The following CFAP20DC variants were observed in gnomAD, a reference collection of about 807,000 sequenced individuals.
CFAP20DC encodes protein CFAP20DC.
CFAP20DC carries 84 observed loss-of-function variants against 101.7 expected under a neutral mutation model. The observed-to-expected ratio is 0.83, with a 90% CI of 0.69 to 0.99. The LOEUF (loss-of-function observed/expected upper bound fraction) is 0.99. CFAP20DC is among the 50% of genes least tolerant of loss of function. CFAP20DC has a pLI of 0.00. For missense variants in CFAP20DC, 1,007 were observed against 970.3 expected (o/e 1.04, Z -0.50); for synonymous variants, 359 against 351.2 (o/e 1.02, Z -0.25).
At chr3:58,992,224 C>T (rs748097763) in intron 4 of CFAP20DC, among the ~76,000 whole-genome samples, 2 of 152,158 alleles carry the variant, frequency 1.3e-5, no homozygotes, top group Admixed American at 6.5e-5. Flanking sequence ...TTACCCAGTG[C>T]GATTCTAAGA....
chr3:59,006,742 GA>G lies in CFAP20DC; in HGVS notation c.278+32814del, dbSNP rs1212851604. Among the ~76,000 whole-genome samples the G allele has an allele frequency of 6.6e-5, 10 of 152,178 alleles. No homozygotes were observed. Among genetic ancestry groups the G allele is most frequent in the Non-Finnish European group, 8.8e-5 (6 of 68,040 alleles). ...GGGGAAGACAGCCAGCAGAATTAGG[GA>G]GGGGTCACAAGATGAATGAAGCTTC... On this transcript the variant is annotated intron_variant, in intron 4 of 16. Coordinates refer to ENST00000482387, the MANE Select transcript of CFAP20DC (RefSeq NM_001394063.1). This position sits in a 1 kb window ranked among gnomAD's most constrained non-coding sequence, Gnocchi z 4.3.
chr3:59,033,669 C>T (rs963314221), intron 4 of CFAP20DC, among the ~76,000 whole-genome samples: 5 of 151,930 alleles, frequency 3.3e-5, no homozygotes, highest in East Asian at 3.8e-4. Context: ...TGAAAATGAA[C>T]GAAAAGAGCC....
intron 13 of CFAP20DC, among the ~76,000 whole-genome samples, chr3:58,835,751 A>G (rs759400507): frequency 1.5e-4 from 23 of 152,194 alleles, no homozygotes; most frequent in Non-Finnish European, 1.9e-4. Context: ...TTTGATTTGC[A>G]ATCTCCCAAA....
At chr3:58,872,885 T>TA (rs1361402869) in intron 7 of CFAP20DC, among the ~76,000 whole-genome samples, 2 of 151,132 alleles carry the variant, frequency 1.3e-5, no homozygotes, top group African/African-American at 4.9e-5. Context: ...CTGGATGCTG[T>TA]AAGGCAGCTG....
intron 3 of CFAP20DC, among the ~76,000 whole-genome samples, chr3:59,044,442 A>C (rs1463678674): frequency 1.3e-5 from 2 of 152,170 alleles, no homozygotes; most frequent in Admixed American, 1.3e-4. Flanking sequence ...TGATATAGAA[A>C]AGCCAGATTA....
At chr3:58,932,749 G>C (rs1242275533) in intron 5 of CFAP20DC, among the ~76,000 whole-genome samples, 3 of 152,182 alleles carry the variant, frequency 2.0e-5, no homozygotes, top group African/African-American at 7.2e-5. Flanking sequence ...CACCAAGCTT[G>C]CCCTAAAAGA....
At chr3:58,981,655 T>A (rs970441419) in intron 4 of CFAP20DC, among the ~76,000 whole-genome samples, 1 of 152,322 alleles carries the variant, frequency 6.6e-6, no homozygotes, top group East Asian at 1.9e-4. Context: ...GCTAGCCATA[T>A]GTAGAAAGCT....
At chr3:58,974,482 AT>A (rs1439816805) in intron 4 of CFAP20DC, among the ~76,000 whole-genome samples, 2 of 152,052 alleles carry the variant, frequency 1.3e-5, no homozygotes, top group Non-Finnish European at 2.9e-5. Context: ...TATATATGTT[AT>A]ATGTACCACA....
intron 4 of CFAP20DC, among the ~76,000 whole-genome samples, chr3:59,032,502 G>T (rs963913462): frequency 6.6e-6 from 1 of 152,124 alleles, no homozygotes; most frequent in Non-Finnish European, 1.5e-5. Context: ...GAACACTCGA[G>T]CTTGGTGGGG....
intron 14 of CFAP20DC, among the ~76,000 whole-genome samples, chr3:58,822,514 C>CAT (rs796850437): frequency 6.9e-6 from 1 of 145,616 alleles, no homozygotes; most frequent in African/African-American, 2.6e-5. Context: ...GTGTAGTGCA[C>CAT]CAGCATGGCA....
At chr3:58,773,817 A>G (rs1232989223) in intron 15 of CFAP20DC, among the ~76,000 whole-genome samples, 2 of 152,216 alleles carry the variant, frequency 1.3e-5, no homozygotes, top group African/African-American at 4.8e-5. Context: ...AGTTCTGTCT[A>G]TTCAATGATA....
At chr3:58,851,938 T>G (rs1406732097) in intron 12 of CFAP20DC, among the ~76,000 whole-genome samples, 1 of 152,172 alleles carries the variant, frequency 6.6e-6, no homozygotes, top group Non-Finnish European at 1.5e-5. Context: ...CTTTTGTGGG[T>G]GTTTTTCAGC....
At chr3:58,978,563 G>T (rs2092382063) in intron 4 of CFAP20DC, among the ~76,000 whole-genome samples, 1 of 151,884 alleles carries the variant, frequency 6.6e-6, no homozygotes, top group African/African-American at 2.4e-5. Flanking sequence ...ACAAAAATTA[G>T]CCAGGCTTGG....
intron 12 of CFAP20DC, among the ~76,000 whole-genome samples, chr3:58,852,164 G>A (rs2078304745): frequency 1.3e-5 from 2 of 152,050 alleles, no homozygotes; most frequent in African/African-American, 4.8e-5. Flanking sequence ...GATCATAGTG[G>A]TAAAGCCATG....
At chr3:58,895,896 CT>C (rs905890346) in intron 6 of CFAP20DC, among the ~76,000 whole-genome samples, 1 of 152,174 alleles carries the variant, frequency 6.6e-6, no homozygotes, top group African/African-American at 2.4e-5. Flanking sequence ...GGAAACTCCC[CT>C]TTTTAAAACC....
chr3:58,766,124 T>G (rs1268124700), intron 15 of CFAP20DC, among the ~76,000 whole-genome samples: 1 of 152,154 alleles, frequency 6.6e-6, no homozygotes. Flanking sequence ...AAGGGCCAGA[T>G]AGAAAATGTG....
chr3:58,834,624 A>C (rs1304894348), intron 13 of CFAP20DC, among the ~76,000 whole-genome samples: 1 of 152,162 alleles, frequency 6.6e-6, no homozygotes, highest in Non-Finnish European at 1.5e-5. Context: ...TACCAGCTTT[A>C]AATGACTAGG....
rs1355508354 is a variant in CFAP20DC at position 58,864,877 on chromosome 3, T to C, written c.1259-985A>G. Among the ~76,000 whole-genome samples the C allele has an allele frequency of 6.6e-6, 1 of 152,228 alleles. No individual in the cohort carries two copies. The highest frequency in any genetic ancestry group is 1.5e-5 in the Non-Finnish European group (1 of 68,032). Reference sequence around the variant, plus strand: ...ATAAAAACCTTTTAGCACATTATTGTTTTCTTTAAAATACCATACACTACA... The same window carrying C: ...ATAAAAACCTTTTAGCACATTATTGCTTTCTTTAAAATACCATACACTACA... On this transcript the variant is annotated intron_variant, in intron 11 of 16. Transcript: ENST00000482387. The surrounding 1 kb of genome is among the most constrained non-coding windows in gnomAD (Gnocchi z 4.7).
At position 58,753,767 on chromosome 3, in the gene CFAP20DC, A is replaced by C. The variant is rs781316872; in HGVS notation, c.2332+2T>G. On this transcript the variant is annotated splice_donor_variant, in intron 16 of 16. Coordinates refer to ENST00000482387, the MANE Select transcript of CFAP20DC (RefSeq NM_001394063.1). LOFTEE classifies it high-confidence loss of function. ...TATGCATATCGTTTTTCATAGTCCC[A>C]CCTTGAACACTCAAACTTTCACAGG... 6.2e-7 allele frequency: 1 copy of C among 1,602,468 alleles called. No individual in the cohort carries two copies. The highest frequency in any genetic ancestry group is 8.5e-7 in the Non-Finnish European group (1 of 1,170,486).
Sources: allele counts gnomAD v4.1 joint callset (sites outside exome capture counted in the v4.1 genomes callset), GRCh38; gene constraint gnomAD v4.1.1; non-coding constraint Gnocchi (gnomAD v3.1); transcripts MANE v1.5; gene names NCBI Gene and HGNC (gene_info 2026-07-23, HGNC 2026-07-21).